The following CA10 variants were observed in gnomAD, a reference collection of about 807,000 sequenced individuals.
CA10 encodes the protein carbonic anhydrase-related protein 10.
In CA10, 14 loss-of-function variants were observed where a neutral mutation model predicts 44.2. That is an observed-to-expected ratio of 0.32 (90% CI 0.21 to 0.50). CA10 has a LOEUF of 0.50. CA10 is among the 20% of genes least tolerant of loss of function. The probability of loss-of-function intolerance (pLI) is 0.99; values close to 1 mark genes in which losing one functional copy is unlikely to be tolerated. For missense variants in CA10, 350 were observed against 409.7 expected (o/e 0.85, Z 1.26); for synonymous variants, 159 against 141.6 (o/e 1.12, Z -0.87).
intron 2 of CA10, among the ~76,000 whole-genome samples, chr17:51,989,858 G>A (rs1299306416): frequency 6.6e-6 from 1 of 152,084 alleles, no homozygotes; most frequent in East Asian, 1.9e-4. Flanking sequence ...CTCTCTTCAT[G>A]TCCATCATTC....
At chr17:51,778,436 T>C (rs138768763) in intron 3 of CA10, among the ~76,000 whole-genome samples, 3 of 152,286 alleles carry the variant, frequency 2.0e-5, no homozygotes, top group Non-Finnish European at 4.4e-5. Flanking sequence ...GATCGCTATA[T>C]GAGTACTCTT....
chr17:52,042,961 T>A (rs1986813509), intron 2 of CA10, among the ~76,000 whole-genome samples: 4 of 152,086 alleles, frequency 2.6e-5, no homozygotes, highest in Non-Finnish European at 5.9e-5. Context: ...GTTTGTCTGT[T>A]TTTATTCTAG....
chr17:51,736,499 C>T (rs1441248623), intron 4 of CA10, among the ~76,000 whole-genome samples: 2 of 152,186 alleles, frequency 1.3e-5, no homozygotes, highest in East Asian at 1.9e-4. Flanking sequence ...TCTGGTGGCC[C>T]CTGGGCCTTC....
chr17:51,959,797 G>GAAAAAAAAAAAAAAAAAAGAAA (rs3062037), intron 2 of CA10, among the ~76,000 whole-genome samples: 2 of 112,372 alleles, frequency 1.8e-5, no homozygotes, highest in Non-Finnish European at 3.5e-5. Flanking sequence ...CTGCTAAGAT[G>GAAAAAAAAAAAAAAAAAAGAAA]AAAAAAAAAA....
At chr17:51,699,289 TGCCA>T (rs1915507958) in intron 4 of CA10, among the ~76,000 whole-genome samples, 1 of 149,964 alleles carries the variant, frequency 6.7e-6, no homozygotes, top group South Asian at 2.1e-4. Flanking sequence ...TGCCATTGCA[TGCCA>T]GCCTGGGTGA....
At chr17:52,060,990 T>C (rs2191406) in intron 2 of CA10, among the ~76,000 whole-genome samples, 151,096 of 152,270 alleles carry the variant, frequency 0.99, 74,978 homozygotes, top group South Asian at 1. Flanking sequence ...CTGACAACTA[T>C]AAAATCATAT....
intron 2 of CA10, among the ~76,000 whole-genome samples, chr17:52,068,249 TG>T (rs1322425828): frequency 1.3e-5 from 2 of 152,232 alleles, no homozygotes; most frequent in Non-Finnish European, 2.9e-5. Flanking sequence ...CTGATGGTTT[TG>T]TAAGGGGCTC....
chr17:51,931,121 A>G lies in CA10; in HGVS notation c.148T>C (p.Trp50Arg). The change falls in exon 3 of 9, where the codon TGG (tryptophan) becomes CGG (arginine). Residue 50 changes from tryptophan to arginine, a missense_variant. By Grantham distance (101) the Trp-to-Arg change is moderately radical. Coordinates refer to ENST00000451037, the MANE Select transcript of CA10 (RefSeq NM_020178.5). ...QGSFVPVPSFWGLVNSAWNLC... is the reference protein window; with the variant it reads ...QGSFVPVPSFRGLVNSAWNLC... Reference sequence around the variant, plus strand: ...TTCCAAGCTGAGTTCACCAATCCCCAGAAAGAAGGAACTAGAAACAAAAAG... The same window carrying G: ...TTCCAAGCTGAGTTCACCAATCCCCGGAAAGAAGGAACTAGAAACAAAAAG... 1 of 1,613,362 alleles carries G rather than the reference A, an allele frequency of 6.2e-7. No homozygotes were observed. Among genetic ancestry groups the G allele is most frequent in the Non-Finnish European group, 8.5e-7 (1 of 1,179,602 alleles).
chr17:51,756,469 G>GT (rs1383108448), intron 3 of CA10, among the ~76,000 whole-genome samples: 5 of 100,468 alleles, frequency 5.0e-5, no homozygotes, highest in South Asian at 6.8e-4. Flanking sequence ...AAATGAGGTA[G>GT]TTGTTTTTTT....
At chr17:51,659,321 A>T (rs2143304677) in intron 4 of CA10, among the ~76,000 whole-genome samples, 1 of 152,100 alleles carries the variant, frequency 6.6e-6, no homozygotes, top group Admixed American at 6.5e-5. Context: ...TACACTAGCG[A>T]CCACCTCTCT....
chr17:51,693,681 T>G (rs1915298414), intron 4 of CA10, among the ~76,000 whole-genome samples: 1 of 152,126 alleles, frequency 6.6e-6, no homozygotes, highest in Admixed American at 6.5e-5. Context: ...TTCATTCTTT[T>G]TTTATTTCTG....
At chr17:51,856,987 G>A (rs1175369624) in intron 3 of CA10, among the ~76,000 whole-genome samples, 1 of 152,190 alleles carries the variant, frequency 6.6e-6, no homozygotes, top group Non-Finnish European at 1.5e-5. Context: ...GTGTACATGT[G>A]TTACAGGAGA....
intron 3 of CA10, among the ~76,000 whole-genome samples, chr17:51,770,650 T>C (rs1905569553): frequency 1.3e-5 from 2 of 152,040 alleles, no homozygotes; most frequent in South Asian, 4.1e-4. Context: ...GAAAAGAGGT[T>C]TAGTTGGCTC....
At chr17:51,711,771 CAAG>C (rs1915949905) in intron 4 of CA10, among the ~76,000 whole-genome samples, 1 of 152,222 alleles carries the variant, frequency 6.6e-6, no homozygotes, top group African/African-American at 2.4e-5. Flanking sequence ...CCACCTGAGA[CAAG>C]AAGATCAGCC....
chr17:51,903,522 T>G (rs1309760859), intron 3 of CA10, among the ~76,000 whole-genome samples: 1 of 152,110 alleles, frequency 6.6e-6, no homozygotes, highest in African/African-American at 2.4e-5. Context: ...AAAACTGCAA[T>G]CATATCCACA....
At chr17:52,052,025 G>T (rs1241024020) in intron 2 of CA10, among the ~76,000 whole-genome samples, 1 of 151,910 alleles carries the variant, frequency 6.6e-6, no homozygotes, top group Non-Finnish European at 1.5e-5. Flanking sequence ...AACTAACACA[G>T]GATCAGAAAA....
intron 1 of CA10, among the ~76,000 whole-genome samples, chr17:52,117,147 G>C (rs987888792): frequency 6.6e-6 from 1 of 152,142 alleles, no homozygotes; most frequent in Non-Finnish European, 1.5e-5. Flanking sequence ...TGAAAAAAGG[G>C]TTTTCCTCAG....
chr17:51,852,024 TA>T (rs879930504), intron 3 of CA10, among the ~76,000 whole-genome samples: 18 of 152,168 alleles, frequency 1.2e-4, no homozygotes, highest in East Asian at 1.9e-4. Flanking sequence ...TGAAAGGGCT[TA>T]AAAAAAATCT....
chr17:51,948,811 T>G (rs1598134353), intron 2 of CA10, among the ~76,000 whole-genome samples: 1 of 152,168 alleles, frequency 6.6e-6, no homozygotes, highest in East Asian at 1.9e-4. Context: ...AACTTATTAC[T>G]TGTAACAGAG....
Sources: gnomAD v4.1 joint callset for allele counts (sites outside exome capture counted in the v4.1 genomes callset) on GRCh38, gnomAD v4.1.1 for gene constraint, MANE v1.5 for transcripts, NCBI Gene and HGNC (gene_info 2026-07-23, HGNC 2026-07-21) for gene names.